The following UNC80 variants were observed in gnomAD, a reference collection of about 807,000 sequenced individuals.
UNC80 encodes the protein unc-80 subunit of NALCN channel complex.
A neutral mutation model predicts 384.6 loss-of-function variants in UNC80; 164 were observed. The ratio of observed to expected loss-of-function variants is 0.43; its 90% confidence interval spans 0.38 to 0.49. The LOEUF (loss-of-function observed/expected upper bound fraction) is 0.49. Ranked by LOEUF, UNC80 falls within the 20% of genes least tolerant of loss-of-function variation. UNC80 has a pLI of 0.00. For synonymous variants in UNC80, 1,486 were observed against 1,527.8 expected (o/e 0.97, Z 0.64); for missense variants, 3,330 against 4,143.0 (o/e 0.80, Z 5.39).
intron 7 of UNC80, among the ~76,000 whole-genome samples, chr2:209,805,003 C>A (rs2153826587): frequency 6.6e-6 from 1 of 152,224 alleles, no homozygotes; most frequent in South Asian, 2.1e-4. Flanking sequence ...TATCAGAAGC[C>A]ATTTCTTAAT....
intron 40 of UNC80, among the ~76,000 whole-genome samples, chr2:209,936,622 GTGTGTATATATA>G (rs975731136): frequency 2.0e-4 from 31 of 151,628 alleles, no homozygotes; most frequent in Non-Finnish European, 3.8e-4. Flanking sequence ...GCCATGGTAT[GTGTGTATATATA>G]TGTGTATATA....
intron 58 of UNC80, among the ~76,000 whole-genome samples, chr2:209,977,434 A>G (rs1469051868): frequency 1.3e-5 from 2 of 152,268 alleles, no homozygotes; most frequent in East Asian, 3.9e-4. Flanking sequence ...GAGAAGGGGG[A>G]CATTCATTTA....
rs1027623638 is a variant in UNC80 at position 209,992,253 on chromosome 2, T to C, written c.9396+6T>C. On this transcript the variant is annotated splice_donor_region_variant and intron_variant, in intron 62 of 64. Coordinates refer to ENST00000673920, the MANE Select transcript of UNC80 (RefSeq NM_001371986.1). Reference sequence around the variant, plus strand: ...GGAAGAGGGGCCTGAGGCAGGTAAGTAGACCCTTAAAGCGCAAGAGAACCA... The same window carrying C: ...GGAAGAGGGGCCTGAGGCAGGTAAGCAGACCCTTAAAGCGCAAGAGAACCA... The C allele has an allele frequency of 2.6e-6, 4 of 1,551,012 alleles. No individual in the cohort carries two copies. The highest frequency in any genetic ancestry group is 2.7e-5 in the African/African-American group (2 of 73,004).
At chr2:209,912,510 G>C in intron 29 of UNC80, 50 bp from the exon 30 acceptor site, 1 of 1,340,256 alleles carries the variant, frequency 7.5e-7, no homozygotes, top group African/African-American at 1.5e-5. Context: ...AGCACTGTTG[G>C]GTTTTTAGAA....
At chr2:209,817,246 A>G in intron 10 of UNC80, 121 bp downstream of exon 10, 1 of 891,428 alleles carries the variant, frequency 1.1e-6, no homozygotes. Flanking sequence ...TTGGGGCTCA[A>G]ATTCAGGTTC....
chr2:209,944,246 G>C (rs1009749787), intron 45 of UNC80, among the ~76,000 whole-genome samples: 1 of 150,838 alleles, frequency 6.6e-6, no homozygotes, highest in Non-Finnish European at 1.5e-5. Context: ...AGTAGAAAAC[G>C]GTAAAAGGAA....
At chr2:209,787,807 A>G (rs1195526834) in intron 5 of UNC80, among the ~76,000 whole-genome samples, 1 of 152,182 alleles carries the variant, frequency 6.6e-6, no homozygotes, top group Non-Finnish European at 1.5e-5. Context: ...TTTCATTGTT[A>G]TTTTAGAATA....
intron 10 of UNC80, among the ~76,000 whole-genome samples, chr2:209,817,490 T>A (rs980499846): frequency 4.4e-4 from 66 of 151,152 alleles, no homozygotes; most frequent in Non-Finnish European, 5.2e-4. Context: ...GGAAAAAAAA[T>A]ATATATATTA....
chr2:209,849,689 G>A lies in UNC80; in HGVS notation c.3627+66G>A, dbSNP rs961973888. On this transcript the variant is annotated intron_variant, in intron 22 of 64. Transcript: ENST00000673920. The stretch of plus-strand genomic sequence containing the variant: ...CAAGTAGCACTATTAACAGAGGTAA[G>A]CATGATTCCCCAATTGTAATCCTCC... The A allele has an allele frequency of 1.2e-5, 17 of 1,452,230 alleles. No individual in the cohort carries two copies. The African/African-American group carries it at 1.3e-4, about 11-fold the overall frequency. The allele number at this position is 1,452,230 out of a possible 1,614,324, so 90.0% of individuals were successfully genotyped here.
rs775464759 is a variant in UNC80 at position 209,995,551 on chromosome 2, G to C, written c.9931G>C (p.Glu3311Gln). The C allele has an allele frequency of 1.4e-5, 22 of 1,552,034 alleles. 2 individuals are homozygous for C. The South Asian group carries it at 2.5e-4, about 18-fold the overall frequency. The change falls in exon 65 of 65, where the codon GAG becomes CAG. Residue 3311 changes from glutamate to glutamine, a missense_variant. Coordinates refer to ENST00000673920, the MANE Select transcript of UNC80 (RefSeq NM_001371986.1). ...TAGTCAGTTCACCTTTACTCCCACT[G>C]AGCTGGGGAAAACGGATGCAGTATT... ...LSSQFTFTPTELGKTDAVLDE... is the reference protein window; with the variant it reads ...LSSQFTFTPTQLGKTDAVLDE...
chr2:209,933,605 G>A (rs899139042), intron 38 of UNC80, among the ~76,000 whole-genome samples: 12 of 152,070 alleles, frequency 7.9e-5, no homozygotes, highest in Middle Eastern at 3.4e-3. Flanking sequence ...TTAAGAATTC[G>A]CCATTTTAAT....
intron 56 of UNC80, among the ~76,000 whole-genome samples, chr2:209,974,476 T>C (rs998426412): frequency 8.5e-5 from 13 of 152,164 alleles, no homozygotes; most frequent in African/African-American, 3.1e-4. Flanking sequence ...ACTTGATGAG[T>C]TTCTGTCCTC....
At chr2:209,973,525 A>G (rs1001653453) in intron 56 of UNC80, among the ~76,000 whole-genome samples, 1 of 152,232 alleles carries the variant, frequency 6.6e-6, no homozygotes, top group Non-Finnish European at 1.5e-5. Context: ...CAGTAAACAT[A>G]TGCCAAAAAA....
rs934513249 is a variant in UNC80 at position 209,978,786 on chromosome 2, T to C, written c.9118+78T>C. ...GGGGCTTGGGAAGGATTACTGCCCT[T>C]CTGACCTTTTCCGCTTCTGATCCCC... On this transcript the variant is annotated intron_variant, in intron 59 of 64. Coordinates refer to ENST00000673920, the MANE Select transcript of UNC80 (RefSeq NM_001371986.1). The C allele has an allele frequency of 3.1e-6, 4 of 1,299,936 alleles. No homozygotes were observed. In the African/African-American group the frequency reaches 5.9e-5, roughly 19 times the overall value. 80.5% of individuals were successfully genotyped at this position (1,299,936 alleles called of 1,614,324 possible). A position where few individuals can be genotyped will look rare whatever the true frequency, so the allele number is the denominator to read the frequency against.
intron 21 of UNC80, among the ~76,000 whole-genome samples, chr2:209,846,672 C>T (rs564503222): frequency 6.6e-6 from 1 of 151,892 alleles, no homozygotes; most frequent in Admixed American, 6.6e-5. Flanking sequence ...CAATATACAC[C>T]TCAACATAAA....
intron 22 of UNC80, among the ~76,000 whole-genome samples, chr2:209,863,772 C>T (rs1224227523): frequency 6.6e-6 from 1 of 151,808 alleles, no homozygotes. Flanking sequence ...CTTTTCATTC[C>T]ATTATAACAT....
At chr2:209,937,460 A>T in intron 41 of UNC80, 69 bp from the exon 42 acceptor site, 1 of 1,218,352 alleles carries the variant, frequency 8.2e-7, no homozygotes, top group Non-Finnish European at 1.2e-6. Flanking sequence ...TCTTTGGGTA[A>T]AGAAGAAATG....
intron 4 of UNC80, among the ~76,000 whole-genome samples, chr2:209,780,478 A>T (rs1238234230): frequency 1.3e-5 from 2 of 152,118 alleles, no homozygotes; most frequent in Non-Finnish European, 2.9e-5. Context: ...GGTTTTTTCA[A>T]GTTGTTGGGG....
At position 209,902,713 on chromosome 2, in the gene UNC80, A is replaced by G. The variant is rs149700781; in HGVS notation, c.4582-2052A>G. 2.7e-4 allele frequency among the ~76,000 whole-genome samples: 41 copies of G among 152,358 alleles called. No homozygotes were observed. In the East Asian group the frequency reaches 7.7e-3, roughly 29 times the overall value. ...ATATTTTAGCAATAAAGCATTTTTA[A>G]TTAAGGTATGTACATTGGTTTTTTA... On this transcript the variant is annotated intron_variant, in intron 28 of 64. Coordinates refer to ENST00000673920, the MANE Select transcript of UNC80 (RefSeq NM_001371986.1).
Sources: gnomAD v4.1 joint callset for allele counts (sites outside exome capture counted in the v4.1 genomes callset) on GRCh38, gnomAD v4.1.1 for gene constraint, MANE v1.5 for transcripts, NCBI Gene and HGNC (gene_info 2026-07-23, HGNC 2026-07-21) for gene names.